Variants in CA5B observed in about 807,000 individuals in gnomAD.
CA5B encodes the protein carbonic anhydrase 5B, mitochondrial.
In CA5B, 15 loss-of-function variants were observed where a neutral mutation model predicts 23.1. The ratio of observed to expected loss-of-function variants is 0.65; its 90% CI spans 0.43 to 1.00. The LOEUF (loss-of-function observed/expected upper bound fraction) is 1.00, where lower values mean the gene tolerates loss of function less well. Ranked by LOEUF, CA5B falls within the 50% of genes least tolerant of loss-of-function variation. CA5B has a pLI of 0.00. For missense variants in CA5B, 236 were observed against 252.2 expected, an observed-to-expected ratio of 0.94 and a Z score of 0.43; for synonymous variants, 84 against 98.5, an observed-to-expected ratio of 0.85 and a Z score of 0.87.
intron 7 of CA5B, among the ~76,000 whole-genome samples, chrX:15,779,634 A>T (rs949239947): frequency 1.8e-5 from 2 of 111,556 alleles, no homozygotes; most frequent in Admixed American, 1.9e-4. Context: ...CATTTGGGGG[A>T]AAAAAATTGG....
chrX:15,772,667 C>T, intron 4 of CA5B, 53 bp downstream of exon 4: 1 of 696,971 alleles, frequency 1.4e-6, no homozygotes, highest in East Asian at 3.4e-5. Context: ...GGGGATAATT[C>T]TGAACTTTTA....
chrX:15,762,556 C>T (rs1156950038), intron 2 of CA5B, among the ~76,000 whole-genome samples: 1 of 109,490 alleles, frequency 9.1e-6, no homozygotes, highest in African/African-American at 3.3e-5. Flanking sequence ...ATTTTCCTGC[C>T]TCAGCCTCCC....
chrX:15,768,857 C>G (rs1428208503), intron 3 of CA5B: 1 of 111,885 alleles, frequency 8.9e-6, no homozygotes, highest in African/African-American at 3.2e-5. Context: ...AGACAAAACC[C>G]TAAGAAATGC....
chrX:15,777,009 A>G, intron 7 of CA5B, 140 bp downstream of exon 7: 1 of 463,693 alleles, frequency 2.2e-6, no homozygotes. Flanking sequence ...GTCTTGTCTC[A>G]GTTTGGACAT....
chrX:15,779,320 G>A (rs1931981174), intron 7 of CA5B, among the ~76,000 whole-genome samples: 1 of 111,477 alleles, frequency 9.0e-6, no homozygotes, highest in African/African-American at 3.3e-5. Context: ...TTTATTGGAT[G>A]ACTCCCATCT....
intron 5 of CA5B, among the ~76,000 whole-genome samples, chrX:15,774,834 TC>T (rs978723287): frequency 1.4e-4 from 16 of 110,523 alleles, no homozygotes; most frequent in South Asian, 3.8e-4. Context: ...CGAGACTCCA[TC>T]CCCCCCACCA....
chrX:15,764,566 G>C lies in CA5B; in HGVS notation c.143-12G>C, dbSNP rs1931667999. ...AACAGTCTTGATAATAGGCTGACCT[G>C]CTTTCTCCTAGTGCATCCACTCTGG... On this transcript the variant is annotated splice_polypyrimidine_tract_variant and intron_variant, in intron 2 of 7. Coordinates refer to ENST00000318636, the MANE Select transcript of CA5B (RefSeq NM_007220.4). 3.3e-6 allele frequency: 4 copies of C among 1,207,471 alleles called. No individual in the cohort carries two copies. The highest frequency in any genetic ancestry group is 3.5e-5 in the African/African-American group (2 of 56,854).
At chrX:15,761,274 A>C (rs1333039361) in intron 2 of CA5B, among the ~76,000 whole-genome samples, 1 of 111,654 alleles carries the variant, frequency 9.0e-6, no homozygotes, top group Non-Finnish European at 1.9e-5. Flanking sequence ...TTGGGCTTCT[A>C]TTGATCCTGT....
At chrX:15,740,984 C>A (rs975582424) in intron 1 of CA5B, among the ~76,000 whole-genome samples, 1 of 111,277 alleles carries the variant, frequency 9.0e-6, no homozygotes, top group South Asian at 3.7e-4. Flanking sequence ...ATCACTTGAG[C>A]GTGGGAGGCG....
At position 15,782,875 on chromosome X, in the gene CA5B, A is replaced by G; in HGVS notation, c.*211A>G. 2.9e-6 allele frequency: 1 copy of G among 343,702 alleles called. No individual in the cohort carries two copies. The highest frequency in any genetic ancestry group is 4.7e-5 in the East Asian group (1 of 21,313). The allele number at this position is 343,702 out of a possible 1,213,427, so 28.3% of individuals were successfully genotyped here. On this transcript the variant is annotated 3_prime_UTR_variant, in exon 8 of 8. Coordinates refer to ENST00000318636, the MANE Select transcript of CA5B (RefSeq NM_007220.4). ...CTTACAGATACCTGTTGGTAATTGTAATGCCTTTTTTTTTTCTTTAAGAGA... is the reference window on the plus strand; with the variant it reads ...CTTACAGATACCTGTTGGTAATTGTGATGCCTTTTTTTTTTCTTTAAGAGA...
chrX:15,747,205 A>C lies in CA5B; in HGVS notation c.-53-2766A>C, dbSNP rs1051887104. 2.7e-5 allele frequency among the ~76,000 whole-genome samples: 3 copies of C among 112,094 alleles called. No homozygotes were observed. In the Admixed American group the frequency reaches 2.8e-4, roughly 11 times the overall value. ...TAGGTCTGATTTTATTCACTGTCATAATTTCCTCAGTTATAATTTTGCAAA... is the reference window on the plus strand; with the variant it reads ...TAGGTCTGATTTTATTCACTGTCATCATTTCCTCAGTTATAATTTTGCAAA... On this transcript the variant is annotated intron_variant, in intron 1 of 7. Coordinates refer to ENST00000318636, the MANE Select transcript of CA5B (RefSeq NM_007220.4).
In CA5B at chrX:15,745,814, A is replaced by G. The variant is rs760985457; in HGVS notation, c.-53-4157A>G. 4.9e-5 allele frequency: 5 copies of G among 102,897 alleles called. No homozygotes were observed. In the South Asian group the frequency reaches 2.1e-3, roughly 44 times the overall value. The allele number at this position is 102,897 out of a possible 1,213,427, so 8.5% of individuals were successfully genotyped here. On this transcript the variant is annotated intron_variant, in intron 1 of 7. Transcript: ENST00000318636. The stretch of plus-strand genomic sequence containing the variant: ...ATTAGTTGCAGTTGTTTGTTTGGGG[A>G]TATTTATTGACTTTAAAAGAAAACA...
intron 1 of CA5B, among the ~76,000 whole-genome samples, chrX:15,743,303 AC>A (rs891248364): frequency 8.9e-6 from 1 of 112,050 alleles, no homozygotes; most frequent in Non-Finnish European, 1.9e-5. Context: ...AAAATATAAT[AC>A]CCTCTCTCAA....
intron 1 of CA5B, among the ~76,000 whole-genome samples, chrX:15,749,596 G>A (rs12845078): frequency 0.035 from 3,858 of 110,373 alleles, 61 homozygotes; most frequent in Middle Eastern, 0.056. Context: ...GGGGTTCTTC[G>A]TACATGTAAA....
chrX:15,773,963 G>A (rs1401555932), intron 4 of CA5B, among the ~76,000 whole-genome samples: 4 of 112,211 alleles, frequency 3.6e-5, no homozygotes, highest in Non-Finnish European at 5.6e-5. Flanking sequence ...CTTCTCTCCT[G>A]TAGATGCAAG....
chrX:15,769,470 C>A, intron 3 of CA5B: 1 of 753,114 alleles, frequency 1.3e-6, no homozygotes, highest in African/African-American at 2.3e-5. Context: ...CTCTGGAATT[C>A]CTCTTATTGG....
intron 3 of CA5B, among the ~76,000 whole-genome samples, chrX:15,770,893 G>A (rs1931804518): frequency 9.1e-6 from 1 of 109,616 alleles, no homozygotes. Flanking sequence ...TCAGCCTCCC[G>A]AGGAGCTGGG....
At chrX:15,775,896 C>T in intron 6 of CA5B, 10 of 752,078 alleles carry the variant, frequency 1.3e-5, no homozygotes, top group Non-Finnish European at 1.6e-5. Context: ...CCCCATCCCC[C>T]ACTCTGACCT....
chrX:15,740,015 A>T (rs1426524718), intron 1 of CA5B, among the ~76,000 whole-genome samples: 1 of 111,940 alleles, frequency 8.9e-6, no homozygotes, highest in African/African-American at 3.3e-5. Flanking sequence ...TGAATGGCTT[A>T]ATCAGGCAGA....
Sources: gnomAD v4.1 joint callset for allele counts (sites outside exome capture counted in the v4.1 genomes callset) on GRCh38, gnomAD v4.1.1 for gene constraint, MANE v1.5 for transcripts, NCBI Gene and HGNC (gene_info 2026-07-23, HGNC 2026-07-21) for gene names.